The following GSR variants were observed in gnomAD, a reference collection of about 807,000 sequenced individuals.
GSR encodes glutathione reductase, mitochondrial.
In GSR, 48 loss-of-function variants were observed where a neutral mutation model predicts 56.5. The observed-to-expected ratio is 0.85, with a 90% CI of 0.67 to 1.08. GSR has a LOEUF of 1.08. GSR is among the 50% of genes least tolerant of loss of function. The probability of loss-of-function intolerance (pLI) is 0.00; values close to 1 mark genes in which losing one functional copy is unlikely to be tolerated. For synonymous variants in GSR, 264 were observed against 270.8 expected, an observed-to-expected ratio of 0.97 and a Z score of 0.25; for missense variants, 694 against 703.3, an observed-to-expected ratio of 0.99 and a Z score of 0.15.
chr8:30,692,324 G>A (rs1333430061), intron 8 of GSR, among the ~76,000 whole-genome samples: 2 of 143,088 alleles, frequency 1.4e-5, no homozygotes, highest in Non-Finnish European at 3.0e-5. Context: ...CCTGCCCCGA[G>A]TAGCTGGAAT....
At position 30,684,928 on chromosome 8, in the gene GSR, C is replaced by CATTTATTT. The variant is rs57141426; in HGVS notation, c.1042-737_1042-730dup. Among the ~76,000 whole-genome samples, 56 of 133,854 alleles carry CATTTATTT rather than the reference C, an allele frequency of 4.2e-4. 1 individual carries two copies. Among genetic ancestry groups the CATTTATTT allele is most frequent in the Middle Eastern group, 3.6e-3 (1 of 274 alleles). The allele number at this position is 133,854 out of a possible 152,430, so 87.8% of individuals were successfully genotyped here. On this transcript the variant is annotated intron_variant, in intron 9 of 12. Coordinates refer to ENST00000221130, the MANE Select transcript of GSR (RefSeq NM_000637.5). The stretch of plus-strand genomic sequence containing the variant: ...CACACCTGGATAATTTTTTAACATA[C>CATTTATTT]ATTTATTTATTTATTTATTTATTTA...
At chr8:30,698,518 G>A (rs8190984) in intron 6 of GSR, among the ~76,000 whole-genome samples, 2 of 152,180 alleles carry the variant, frequency 1.3e-5, no homozygotes, top group Non-Finnish European at 2.9e-5. Context: ...AAAAAAGATT[G>A]TATGGTTTTC....
Position 30,709,893 on chromosome 8 carries a change from T to C in GSR, c.343A>G (p.Asn115Asp). ...ATGAATTCAGAGTGGACAGCTGTGT[T>C]CCACATTACCTGTAAAAAAAAAAAA... is the stretch of plus-strand genomic sequence containing the variant. Reference protein sequence around the residue: ...VGCVPKKVMWNTAVHSEFMHD... With the variant: ...VGCVPKKVMWDTAVHSEFMHD... The change falls in exon 3 of 13, where the codon AAC becomes GAC. Residue 115 changes from asparagine (N) to aspartate (D), a missense_variant. Asn to Asp is a conservative substitution (Grantham distance 23, BLOSUM62 1). Transcript: ENST00000221130. 6.6e-7 allele frequency: 1 copy of C among 1,523,232 alleles called. No homozygotes were observed. The highest frequency in any genetic ancestry group is 9.0e-7 in the Non-Finnish European group (1 of 1,107,512). The allele number at this position is 1,523,232 out of a possible 1,614,324, so 94.4% of individuals were successfully genotyped here. A position where few individuals can be genotyped will look rare whatever the true frequency, so the allele number is the denominator to read the frequency against.
At chr8:30,693,231 C>G (rs145486289) in intron 7 of GSR, among the ~76,000 whole-genome samples, 176 bp from the exon 8 acceptor site, 1 of 152,294 alleles carries the variant, frequency 6.6e-6, no homozygotes, top group Non-Finnish European at 1.5e-5. Flanking sequence ...ATCACCACCA[C>G]CATCTGCAAT....
chr8:30,689,041 T>C (rs191610991), intron 9 of GSR, 120 bp downstream of exon 9: 393 of 835,420 alleles, frequency 4.7e-4, no homozygotes, highest in Non-Finnish European at 6.2e-4. Context: ...ACTGAATACA[T>C]GGGAAAAAGA....
chr8:30,695,021 C>T (rs556344131), intron 7 of GSR, among the ~76,000 whole-genome samples: 48 of 151,806 alleles, frequency 3.2e-4, no homozygotes, highest in African/African-American at 9.9e-4. Flanking sequence ...TATGATCATG[C>T]CACTGTACTG....
At chr8:30,707,055 A>C (rs927611136) in intron 4 of GSR, 2 of 152,094 alleles carry the variant, frequency 1.3e-5, no homozygotes, top group African/African-American at 4.8e-5. Context: ...GAATTGCTTG[A>C]ACCTGGCGGG....
intron 7 of GSR, among the ~76,000 whole-genome samples, chr8:30,693,478 T>A (rs1336309372): frequency 6.6e-6 from 1 of 152,164 alleles, no homozygotes; most frequent in Non-Finnish European, 1.5e-5. Context: ...TCTGTGACCA[T>A]CCACATGTGG....
Position 30,709,918 on chromosome 8 carries a change from A to AG in GSR, c.334-17_334-16insC. ...TCCACATTACCTGTAAAAAAAAAAAAAAAAAAGGATCCAAAACAGCAGTAA... is the reference window on the plus strand; with the variant it reads ...TCCACATTACCTGTAAAAAAAAAAAAGAAAAAAGGATCCAAAACAGCAGTAA... On this transcript the variant is annotated splice_polypyrimidine_tract_variant and intron_variant, in intron 2 of 12. Coordinates refer to ENST00000221130, the MANE Select transcript of GSR (RefSeq NM_000637.5). The AG allele has an allele frequency of 6.9e-7, 1 of 1,454,574 alleles. No individual in the cohort carries two copies. Among genetic ancestry groups the AG allele is most frequent in the Non-Finnish European group, 9.6e-7 (1 of 1,044,838 alleles). The allele number at this position is 1,454,574 out of a possible 1,614,324, so 90.1% of individuals were successfully genotyped here. A position where few individuals can be genotyped will look rare whatever the true frequency, so the allele number is the denominator to read the frequency against.
chr8:30,680,104 G>C (rs1586029438), intron 12 of GSR, among the ~76,000 whole-genome samples: 1 of 152,156 alleles, frequency 6.6e-6, no homozygotes, highest in African/African-American at 2.4e-5. Context: ...TGAGAAGAAT[G>C]ACAAATAATG....
In GSR at chr8:30,710,063, C is replaced by A. The variant is rs1804076731; in HGVS notation, c.334-161G>T. 1.3e-5 allele frequency among the ~76,000 whole-genome samples: 2 copies of A among 152,148 alleles called. 1 individual carries two copies. The highest frequency in any genetic ancestry group is 1.3e-4 in the Admixed American group (2 of 15,256). ...GGGCACGGCAGCTCACGTCTGTAAT[C>A]CCAGCACTTTGGGAGCCCGAGGCAG... is the stretch of plus-strand genomic sequence containing the variant. On this transcript the variant is annotated intron_variant, in intron 2 of 12. Coordinates refer to ENST00000221130, the MANE Select transcript of GSR (RefSeq NM_000637.5).
At chr8:30,689,371 G>A (rs747140813) in intron 8 of GSR, 52 bp from the exon 9 acceptor site, 1 of 1,480,950 alleles carries the variant, frequency 6.8e-7, no homozygotes, top group African/African-American at 1.4e-5. Context: ...GGGAGGACAG[G>A]GGAAGAAGGA....
chr8:30,710,579 G>T (rs1254683473), intron 2 of GSR, among the ~76,000 whole-genome samples: 1 of 150,296 alleles, frequency 6.7e-6, no homozygotes, highest in East Asian at 1.9e-4. Flanking sequence ...AATTAGCCAG[G>T]CATGGTGATG....
intron 1 of GSR, among the ~76,000 whole-genome samples, 164 bp downstream of exon 1, chr8:30,727,366 C>T (rs1480915946): frequency 6.6e-6 from 1 of 152,240 alleles, no homozygotes; most frequent in Non-Finnish European, 1.5e-5. Flanking sequence ...CCTCTCTCTC[C>T]TCCACCTGCT....
chr8:30,680,658 G>A (rs778149699), intron 12 of GSR, among the ~76,000 whole-genome samples: 9 of 151,926 alleles, frequency 5.9e-5, no homozygotes, highest in Admixed American at 2.0e-4. Context: ...GCCTCCCAGC[G>A]TGCTGGGATT....
chr8:30,703,068 A>G (rs1302062010), intron 5 of GSR, 25 bp downstream of exon 5: 2 of 1,611,330 alleles, frequency 1.2e-6, no homozygotes, highest in Non-Finnish European at 1.7e-6. Flanking sequence ...GACTGCTGTT[A>G]ATGAGTACCT....
At chr8:30,704,547 C>A (rs910187222) in intron 4 of GSR, 1 of 152,322 alleles carries the variant, frequency 6.6e-6, no homozygotes, top group East Asian at 1.9e-4. Flanking sequence ...TGGATTTGCT[C>A]TTACTGGAAT....
chr8:30,713,286 C>T (rs150801950), intron 1 of GSR, among the ~76,000 whole-genome samples: 2,351 of 152,242 alleles, frequency 0.015, 52 homozygotes, highest in African/African-American at 0.051. Context: ...ATCCACCTGC[C>T]TCAGCCTCCC....
At chr8:30,723,060 G>A (rs2551698) in intron 1 of GSR, among the ~76,000 whole-genome samples, 114,732 of 151,746 alleles carry the variant, frequency 0.76, 48,383 homozygotes, top group Non-Finnish European at 0.94. Context: ...CAAAACCACA[G>A]GAACCTGGTT....
Sources: gnomAD v4.1 joint callset for allele counts (sites outside exome capture counted in the v4.1 genomes callset) on GRCh38, gnomAD v4.1.1 for gene constraint, MANE v1.5 for transcripts, NCBI Gene and HGNC (gene_info 2026-07-23, HGNC 2026-07-21) for gene names.